GRIK1: variants seen among roughly 807,000 people sequenced by gnomAD.
GRIK1 encodes glutamate ionotropic receptor kainate type subunit 1.
A neutral mutation model predicts 105.7 loss-of-function variants in GRIK1; 69 were observed. That is an observed-to-expected ratio of 0.65 (90% confidence interval 0.54 to 0.80). The LOEUF is 0.80. Among genes scored for constraint, GRIK1 ranks in the 30% least tolerant of loss-of-function variants. The pLI, the probability that GRIK1 is intolerant of heterozygous loss-of-function variation, is 0.00. For synonymous variants in GRIK1, 438 were observed against 431.3 expected (o/e 1.02, Z -0.19); for missense variants, 1,109 against 1,167.3 (o/e 0.95, Z 0.73).
chr21:29,775,493 C>T (rs1048472022), intron 1 of GRIK1, among the ~76,000 whole-genome samples: 2 of 152,132 alleles, frequency 1.3e-5, no homozygotes, highest in East Asian at 3.9e-4. Context: ...CCAGCCTGGA[C>T]AGGCTTCTGC....
rs767014682 is a variant in GRIK1, at chr21:29,619,700, C to CTG, written c.1099-20765_1099-20764dup. On this transcript the variant is annotated intron_variant, in intron 7 of 17. Transcript: ENST00000327783. ...GAAAAACTCATATTCAATGATCATA[C>CTG]TGTACCACTTGGTGAATTTCTCAGT... Among the ~76,000 whole-genome samples, 13 of 152,294 alleles carry CTG rather than the reference C, an allele frequency of 8.5e-5. 1 individual carries two copies. The South Asian group carries it at 2.7e-3, about 32-fold the overall frequency.
At chr21:29,614,207 C>A (rs1201982077) in intron 7 of GRIK1, among the ~76,000 whole-genome samples, 3 of 152,100 alleles carry the variant, frequency 2.0e-5, no homozygotes, top group African/African-American at 7.2e-5. Flanking sequence ...CCTGTAAGTA[C>A]CAGGGCTGTA....
chr21:29,692,158 C>G (rs1397582931), intron 2 of GRIK1, among the ~76,000 whole-genome samples: 3 of 152,266 alleles, frequency 2.0e-5, no homozygotes, highest in African/African-American at 7.2e-5. Flanking sequence ...TGTTTGCCAG[C>G]AAATTACCAG....
intron 1 of GRIK1, among the ~76,000 whole-genome samples, chr21:29,926,395 T>C (rs546882334): frequency 6.6e-6 from 1 of 152,304 alleles, no homozygotes; most frequent in African/African-American, 2.4e-5. Flanking sequence ...TCTCATTCAT[T>C]CAAATATAGA....
chr21:29,840,471 C>G (rs2067945965), intron 1 of GRIK1, among the ~76,000 whole-genome samples: 1 of 151,950 alleles, frequency 6.6e-6, no homozygotes, highest in Non-Finnish European at 1.5e-5. Context: ...TCTTTGAAAT[C>G]AAGGGGAGGA....
chr21:29,694,207 C>T (rs28708571), intron 1 of GRIK1, 144 bp from the exon 2 acceptor site: 2 of 601,086 alleles, frequency 3.3e-6, no homozygotes, highest in East Asian at 2.9e-5. Context: ...TCACTGCAAC[C>T]TCCGCCTCTG....
chr21:29,550,955 A>G (rs1346056880), intron 16 of GRIK1, among the ~76,000 whole-genome samples: 2 of 152,218 alleles, frequency 1.3e-5, no homozygotes, highest in African/African-American at 4.8e-5. Context: ...AATTTACTCT[A>G]AAGAATACAT....
chr21:29,590,007 TC>T (rs1446668726), intron 10 of GRIK1, among the ~76,000 whole-genome samples: 3 of 152,182 alleles, frequency 2.0e-5, no homozygotes, highest in Non-Finnish European at 4.4e-5. Context: ...GCATCATCAG[TC>T]CCCTCTCCTA....
chr21:29,730,774 C>T (rs114360667), intron 1 of GRIK1, among the ~76,000 whole-genome samples: 2,108 of 152,252 alleles, frequency 0.014, 55 homozygotes, highest in African/African-American at 0.048. Flanking sequence ...ACCATCATGA[C>T]ATTCATAGCC....
At chr21:29,581,722 T>G (rs559436576) in intron 12 of GRIK1, among the ~76,000 whole-genome samples, 179 bp from the exon 13 acceptor site, 80 of 152,278 alleles carry the variant, frequency 5.3e-4, no homozygotes, top group Admixed American at 1.2e-3. Flanking sequence ...CAAAGAGCCT[T>G]GAGACGTTAA....
chr21:29,541,255 C>T (rs796401512), intron 16 of GRIK1, among the ~76,000 whole-genome samples: 65 of 152,300 alleles, frequency 4.3e-4, no homozygotes, highest in African/African-American at 1.4e-3. Flanking sequence ...CGTAAGCCAC[C>T]GTGTCCGGCC....
At chr21:29,595,684 GA>G (rs1224485770) in intron 9 of GRIK1, among the ~76,000 whole-genome samples, 2 of 151,982 alleles carry the variant, frequency 1.3e-5, no homozygotes, top group African/African-American at 4.8e-5. Context: ...TCAGTCCATA[GA>G]TTTTTTTTAC....
intron 1 of GRIK1, among the ~76,000 whole-genome samples, chr21:29,882,804 C>A (rs145813431): frequency 4.3e-4 from 66 of 152,122 alleles, no homozygotes; most frequent in African/African-American, 1.6e-3. Flanking sequence ...TCTTGTTTAT[C>A]CTTTAAGTCT....
At chr21:29,659,600 C>T (rs2062921714) in intron 4 of GRIK1, among the ~76,000 whole-genome samples, 1 of 152,046 alleles carries the variant, frequency 6.6e-6, no homozygotes, top group South Asian at 2.1e-4. Context: ...TCCATTGTTC[C>T]AGTAGCTAAA....
At chr21:29,828,916 C>T (rs537649976) in intron 1 of GRIK1, among the ~76,000 whole-genome samples, 2 of 152,154 alleles carry the variant, frequency 1.3e-5, no homozygotes, top group African/African-American at 2.4e-5. Context: ...CATAACAGAG[C>T]GATATTCAAA....
At chr21:29,543,139 T>C (rs1347517609) in intron 16 of GRIK1, among the ~76,000 whole-genome samples, 2 of 152,146 alleles carry the variant, frequency 1.3e-5, no homozygotes, top group Non-Finnish European at 2.9e-5. Context: ...AAATTCCTGC[T>C]GTAGTTCTGT....
At chr21:29,653,716 A>G (rs2062787285) in intron 5 of GRIK1, among the ~76,000 whole-genome samples, 1 of 152,240 alleles carries the variant, frequency 6.6e-6, no homozygotes, top group Non-Finnish European at 1.5e-5. Flanking sequence ...ATCAAGAAAC[A>G]GTAAGAGGCA....
intron 14 of GRIK1, 38 bp from the exon 15 acceptor site, chr21:29,561,887 G>T (rs1568818818): frequency 7.9e-7 from 1 of 1,265,174 alleles, no homozygotes; most frequent in African/African-American, 1.5e-5. Context: ...GCAGAAGAGG[G>T]CTGGAAAAAT....
At chr21:29,873,544 G>A (rs958917439) in intron 1 of GRIK1, among the ~76,000 whole-genome samples, 10 of 152,208 alleles carry the variant, frequency 6.6e-5, no homozygotes, top group African/African-American at 1.4e-4. Context: ...CTTGGTTTCC[G>A]GCACAAAGAA....
Sources: allele counts gnomAD v4.1 joint callset (sites outside exome capture counted in the v4.1 genomes callset), GRCh38; gene constraint gnomAD v4.1.1; transcripts MANE v1.5; gene names NCBI Gene and HGNC (gene_info 2026-07-23, HGNC 2026-07-21).